The following NEIL3 variants were observed in gnomAD, a reference collection of about 807,000 sequenced individuals.
NEIL3 encodes the protein nei like DNA glycosylase 3.
In NEIL3, 48 loss-of-function variants were observed where a neutral mutation model predicts 57.5. The ratio of observed to expected loss-of-function variants is 0.83; its 90% confidence interval spans 0.66 to 1.06. NEIL3 has a LOEUF of 1.06. Ranked by LOEUF, NEIL3 falls within the 50% of genes least tolerant of loss-of-function variation. NEIL3 has a pLI of 0.00. For missense variants in NEIL3, 717 were observed against 739.1 expected (o/e 0.97, Z 0.35); for synonymous variants, 261 against 253.2 (o/e 1.03, Z -0.29).
At chr4:177,311,344 T>G (rs545747924) in intron 1 of NEIL3, among the ~76,000 whole-genome samples, 130 of 152,164 alleles carry the variant, frequency 8.5e-4, no homozygotes, top group African/African-American at 3.0e-3. Context: ...TAAGGACTTG[T>G]AGGAAGACCT....
chr4:177,311,701 G>T (rs1423145387), intron 1 of NEIL3, among the ~76,000 whole-genome samples: 1 of 150,772 alleles, frequency 6.6e-6, no homozygotes, highest in East Asian at 1.9e-4. Context: ...AAAAAGCTGA[G>T]GTGTGCAGGG....
At chr4:177,331,635 A>G (rs986314389) in intron 2 of NEIL3, among the ~76,000 whole-genome samples, 1 of 152,000 alleles carries the variant, frequency 6.6e-6, no homozygotes, top group South Asian at 2.1e-4. Context: ...TTGTGTGTAT[A>G]TATGTGTCTT....
the NEIL3 span, among the ~76,000 whole-genome samples, chr4:177,370,565 T>C: frequency 1.3e-5 from 2 of 152,174 alleles, no homozygotes; most frequent in African/African-American, 4.8e-5. Context: ...TTGTATTGAC[T>C]TCTCTAATAA....
chr4:177,342,589 T>A (rs1370547105), intron 6 of NEIL3, among the ~76,000 whole-genome samples: 2 of 152,198 alleles, frequency 1.3e-5, no homozygotes, highest in Non-Finnish European at 2.9e-5. Flanking sequence ...TGGGAAGATC[T>A]CAAAGAAAGC....
At chr4:177,318,599 A>G (rs1221696829) in intron 1 of NEIL3, among the ~76,000 whole-genome samples, 1 of 152,146 alleles carries the variant, frequency 6.6e-6, no homozygotes, top group Non-Finnish European at 1.5e-5. Flanking sequence ...CATGGCATAC[A>G]AGGGCCTTTG....
rs887401719 is a variant in NEIL3 at position 177,309,890 on chromosome 4, T to G, written c.-64T>G. ...CGTGCGGTCAGTGCCCGCGCAGCGT[T>G]GAGTTGCACAGCGGTATTCTCACCA... On this transcript the variant is annotated 5_prime_UTR_variant, in exon 1 of 10. Transcript: ENST00000264596. 25 of 1,547,976 alleles carry G rather than the reference T, an allele frequency of 1.6e-5. No individual in the cohort carries two copies. In the Middle Eastern group the frequency reaches 7.0e-4, roughly 43 times the overall value.
intron 2 of NEIL3, among the ~76,000 whole-genome samples, chr4:177,325,938 G>C (rs80078141): frequency 7.2e-5 from 11 of 151,972 alleles, no homozygotes; most frequent in African/African-American, 2.7e-4. Context: ...TATTCTAGAT[G>C]TCAGTCATTT....
chr4:177,324,476 T>A (rs1734742140), intron 2 of NEIL3, among the ~76,000 whole-genome samples: 1 of 152,168 alleles, frequency 6.6e-6, no homozygotes, highest in Admixed American at 6.5e-5. Flanking sequence ...GAATCTGCCC[T>A]GTAAAAATCC....
chr4:177,319,921 G>T (rs1734646081), intron 1 of NEIL3, among the ~76,000 whole-genome samples: 1 of 152,094 alleles, frequency 6.6e-6, no homozygotes, highest in Non-Finnish European at 1.5e-5. Flanking sequence ...AGAGATTGTT[G>T]ACATTGGAGT....
intron 7 of NEIL3, among the ~76,000 whole-genome samples, chr4:177,352,839 AAAAG>A (rs869274726): frequency 2.9e-5 from 4 of 138,292 alleles, no homozygotes; most frequent in Middle Eastern, 4.2e-3. Context: ...CAAAAAAAAA[AAAAG>A]AAGATGTTAA....
chr4:177,360,149 G>C (rs190877459), intron 8 of NEIL3, among the ~76,000 whole-genome samples: 1 of 152,282 alleles, frequency 6.6e-6, no homozygotes, highest in African/African-American at 2.4e-5. Context: ...CTGGACTTGA[G>C]AATATTTTAG....
At chr4:177,348,858 A>AGTTTTTTTT (rs1735286079) in intron 6 of NEIL3, among the ~76,000 whole-genome samples, 1 of 73,716 alleles carries the variant, frequency 1.4e-5, no homozygotes, top group Admixed American at 2.2e-4. Context: ...TGGCTCATGA[A>AGTTTTTTTT]TTTTTTTTTT....
At chr4:177,365,984 C>T (rs1254417681), downstream of NEIL3, among the ~76,000 whole-genome samples, 1 of 152,086 alleles carries the variant, frequency 6.6e-6, no homozygotes, top group African/African-American at 2.4e-5. Flanking sequence ...CCAAGACCCA[C>T]CCTAAGATGG....
At chr4:177,319,087 G>A (rs911829740) in intron 1 of NEIL3, among the ~76,000 whole-genome samples, 9 of 152,180 alleles carry the variant, frequency 5.9e-5, no homozygotes, top group African/African-American at 2.2e-4. Flanking sequence ...ACTAAATGGT[G>A]TAAGTTCTTG....
downstream of NEIL3, among the ~76,000 whole-genome samples, chr4:177,367,045 C>A (rs1202562034): frequency 6.6e-6 from 1 of 151,668 alleles, no homozygotes; most frequent in Non-Finnish European, 1.5e-5. Flanking sequence ...TAGTTTTTTC[C>A]CCTTTGGTTT....
chr4:177,352,260 A>T (rs1735370183), intron 7 of NEIL3, among the ~76,000 whole-genome samples: 1 of 152,206 alleles, frequency 6.6e-6, no homozygotes, highest in Non-Finnish European at 1.5e-5. Flanking sequence ...TGGGCCAGAA[A>T]GGCAGACATC....
intron 2 of NEIL3, among the ~76,000 whole-genome samples, chr4:177,331,496 TTTAAAA>T (rs1341577415): frequency 4.6e-5 from 7 of 152,002 alleles, no homozygotes; most frequent in African/African-American, 1.7e-4. Flanking sequence ...ATATTTTAAG[TTTAAAA>T]TTAATTTAAC....
Position 177,341,898 on chromosome 4 carries a change from C to A in NEIL3, c.869+256C>A, listed in dbSNP as rs569453223. ...ATAATATCTAGCCTTTACCTTTAAC[C>A]TAGTTTGTAAAGTGAGTACCAGGAG... On this transcript the variant is annotated intron_variant, in intron 6 of 9. Coordinates refer to ENST00000264596, the MANE Select transcript of NEIL3 (RefSeq NM_018248.3). Among the ~76,000 whole-genome samples, 9 of 152,154 alleles carry A rather than the reference C, an allele frequency of 5.9e-5. No homozygotes were observed. In the South Asian group the frequency reaches 1.7e-3, roughly 28 times the overall value.
chr4:177,340,788 A>G (rs1279630840), intron 5 of NEIL3, among the ~76,000 whole-genome samples: 1 of 152,186 alleles, frequency 6.6e-6, no homozygotes, highest in African/African-American at 2.4e-5. Flanking sequence ...GTGCTGATGG[A>G]AACTCAAGAT....
Sources: gnomAD v4.1 joint callset for allele counts (sites outside exome capture counted in the v4.1 genomes callset) on GRCh38, gnomAD v4.1.1 for gene constraint, MANE v1.5 for transcripts, NCBI Gene and HGNC (gene_info 2026-07-23, HGNC 2026-07-21) for gene names.